The following PHKB variants were observed in gnomAD, a reference collection of about 807,000 sequenced individuals.
PHKB encodes the protein phosphorylase kinase regulatory subunit beta.
A neutral mutation model predicts 152.1 loss-of-function variants in PHKB; 122 were observed. The ratio of observed to expected loss-of-function variants is 0.80; its 90% CI spans 0.69 to 0.93. PHKB has a LOEUF of 0.93. Ranked by LOEUF, PHKB falls within the 40% of genes least tolerant of loss-of-function variation. PHKB has a pLI of 0.00. For synonymous variants in PHKB, 436 were observed against 464.9 expected, an observed-to-expected ratio of 0.94 and a Z score of 0.80; for missense variants, 1,304 against 1,328.4, an observed-to-expected ratio of 0.98 and a Z score of 0.29.
chr16:47,496,236 G>A (rs1432396828), intron 1 of PHKB, among the ~76,000 whole-genome samples: 1 of 151,288 alleles, frequency 6.6e-6, no homozygotes, highest in Non-Finnish European at 1.5e-5. Context: ...ACCTTGAGTT[G>A]TTTTTAATTT....
intron 26 of PHKB, among the ~76,000 whole-genome samples, chr16:47,673,080 G>A (rs965150674): frequency 6.6e-6 from 1 of 151,844 alleles, no homozygotes; most frequent in Admixed American, 6.6e-5. Context: ...TGGGTCTCAC[G>A]AGATCAGTTC....
chr16:47,568,317 C>T (rs768240073), intron 7 of PHKB, among the ~76,000 whole-genome samples: 7 of 152,166 alleles, frequency 4.6e-5, no homozygotes, highest in Admixed American at 6.5e-5. Context: ...AGCTTGTGCA[C>T]ATAGAAGTGT....
chr16:47,594,665 A>G (rs1485497349), intron 12 of PHKB, among the ~76,000 whole-genome samples: 4 of 152,140 alleles, frequency 2.6e-5, no homozygotes, highest in African/African-American at 4.8e-5. Context: ...AACATCTGCC[A>G]TGGTGCTAAA....
chr16:47,526,359 G>A (rs1210413156), intron 6 of PHKB, among the ~76,000 whole-genome samples: 2 of 151,888 alleles, frequency 1.3e-5, no homozygotes, highest in African/African-American at 2.4e-5. Flanking sequence ...GCAGTGAGCC[G>A]AGATCGTGCC....
At chr16:47,640,059 G>A (rs1972989307) in intron 14 of PHKB, among the ~76,000 whole-genome samples, 1 of 152,200 alleles carries the variant, frequency 6.6e-6, no homozygotes, top group Non-Finnish European at 1.5e-5. Flanking sequence ...ATGAAAGTCT[G>A]CGTGAAATGG....
rs1443010445 is a variant in PHKB, at chr16:47,693,336, A to G, written c.2766-42A>G. Reference sequence around the variant, plus strand: ...TGAAAGCCCTGCTGTCTACCAGAACAAGCTTGTTCTTCAACTCTGAGACAT... The same window carrying G: ...TGAAAGCCCTGCTGTCTACCAGAACGAGCTTGTTCTTCAACTCTGAGACAT... On this transcript the variant is annotated intron_variant, in intron 27 of 30. Transcript: ENST00000323584. 3.1e-6 allele frequency: 5 copies of G among 1,611,558 alleles called. No individual in the cohort carries two copies. The Admixed American group carries it at 5.0e-5, about 16-fold the overall frequency.
chr16:47,577,878 A>T (rs1971776362), intron 7 of PHKB, among the ~76,000 whole-genome samples: 1 of 152,080 alleles, frequency 6.6e-6, no homozygotes, highest in African/African-American at 2.4e-5. Context: ...TTGAATCTGT[A>T]GGTTTATGGC....
chr16:47,627,775 T>G (rs1567332911), intron 14 of PHKB, among the ~76,000 whole-genome samples: 2 of 152,214 alleles, frequency 1.3e-5, no homozygotes, highest in African/African-American at 4.8e-5. Context: ...AATTTTCACA[T>G]GTTGCTGCTT....
chr16:47,497,637 T>C (rs887800074), intron 2 of PHKB, 149 bp downstream of exon 2: 3 of 668,512 alleles, frequency 4.5e-6, no homozygotes, highest in Non-Finnish European at 8.2e-6. Context: ...TGTATTCCAA[T>C]TGTATGTCGA....
chr16:47,685,810 C>T (rs527718507), intron 26 of PHKB, among the ~76,000 whole-genome samples: 2 of 147,880 alleles, frequency 1.4e-5, no homozygotes, highest in East Asian at 2.0e-4. Flanking sequence ...GGTGTGATCT[C>T]GGCTCACTGC....
At chr16:47,559,216 G>C (rs902113652) in intron 7 of PHKB, among the ~76,000 whole-genome samples, 4 of 151,994 alleles carry the variant, frequency 2.6e-5, no homozygotes, top group African/African-American at 9.7e-5. Flanking sequence ...CAACCCCAAG[G>C]GGCTTTTCTA....
At chr16:47,489,832 A>G (rs1426444770) in intron 1 of PHKB, among the ~76,000 whole-genome samples, 1 of 152,184 alleles carries the variant, frequency 6.6e-6, no homozygotes, top group African/African-American at 2.4e-5. Flanking sequence ...CAGTTTCTCC[A>G]ATTGTGTCCT....
intron 14 of PHKB, among the ~76,000 whole-genome samples, chr16:47,617,273 T>A (rs1037058953): frequency 1.3e-5 from 2 of 148,488 alleles, no homozygotes; most frequent in African/African-American, 2.4e-5. Flanking sequence ...TAAATTTTTT[T>A]ATATATTTAC....
Position 47,463,684 on chromosome 16 carries a change from A to G in PHKB, c.76+2258A>G, listed in dbSNP as rs1360153175. 2.0e-5 allele frequency: 10 copies of G among 512,590 alleles called. No individual in the cohort carries two copies. The Admixed American group carries it at 3.2e-4, about 16-fold the overall frequency. The allele number at this position is 512,590 out of a possible 1,614,324, so 31.8% of individuals were successfully genotyped here. On this transcript the variant is annotated intron_variant, in intron 1 of 30. Transcript: ENST00000323584. ...ATGTAATGTCTAATAAGTGGATATTATATAGTTTCTATCTCATCCATATGA... is the reference window on the plus strand; with the variant it reads ...ATGTAATGTCTAATAAGTGGATATTGTATAGTTTCTATCTCATCCATATGA...
At chr16:47,488,497 T>G (rs1970088430) in intron 1 of PHKB, among the ~76,000 whole-genome samples, 1 of 152,198 alleles carries the variant, frequency 6.6e-6, no homozygotes, top group African/African-American at 2.4e-5. Flanking sequence ...TGCATTTGGA[T>G]TCTTTGTTAT....
At chr16:47,559,433 A>G (rs978424147) in intron 7 of PHKB, among the ~76,000 whole-genome samples, 1 of 152,166 alleles carries the variant, frequency 6.6e-6, no homozygotes, top group African/African-American at 2.4e-5. Context: ...TTTTATTATT[A>G]TTGTCTTACA....
chr16:47,586,446 C>T (rs1159758898), intron 8 of PHKB, among the ~76,000 whole-genome samples: 3 of 152,150 alleles, frequency 2.0e-5, no homozygotes, highest in Non-Finnish European at 4.4e-5. Flanking sequence ...TATTAATTTA[C>T]TTGTCAGATT....
At chr16:47,539,019 C>T (rs1057438391) in intron 6 of PHKB, among the ~76,000 whole-genome samples, 2 of 152,304 alleles carry the variant, frequency 1.3e-5, no homozygotes, top group South Asian at 2.1e-4. Context: ...GAACCTAACA[C>T]GATGACTAAA....
chr16:47,628,053 C>T (rs1422345071), intron 14 of PHKB, among the ~76,000 whole-genome samples: 1 of 152,112 alleles, frequency 6.6e-6, no homozygotes, highest in African/African-American at 2.4e-5. Flanking sequence ...TTCTGTAAGG[C>T]CCCCAAAGCA....
Sources: allele counts gnomAD v4.1 joint callset (sites outside exome capture counted in the v4.1 genomes callset), GRCh38; gene constraint gnomAD v4.1.1; transcripts MANE v1.5; gene names NCBI Gene and HGNC (gene_info 2026-07-23, HGNC 2026-07-21).